DPP6: variants seen among roughly 807,000 people sequenced by gnomAD.
DPP6 encodes the protein A-type potassium channel modulatory protein DPP6.
In DPP6, 69 loss-of-function variants were observed where a neutral mutation model predicts 122.6. The observed-to-expected ratio is 0.56, with a 90% CI of 0.46 to 0.69. The LOEUF (loss-of-function observed/expected upper bound fraction) is 0.69. DPP6 is among the 30% of genes least tolerant of loss of function. The pLI is 0.00. For synonymous variants in DPP6, 418 were observed against 433.1 expected, an observed-to-expected ratio of 0.97 and a Z score of 0.43; for missense variants, 928 against 1,116.9, an observed-to-expected ratio of 0.83 and a Z score of 2.41.
intron 1 of DPP6, among the ~76,000 whole-genome samples, chr7:154,443,765 T>C (rs1006343504): frequency 6.6e-6 from 1 of 152,232 alleles, no homozygotes; most frequent in African/African-American, 2.4e-5. Context: ...AAACTTATTC[T>C]TCTTAGAGCA....
intron 1 of DPP6, among the ~76,000 whole-genome samples, chr7:154,024,388 C>T (rs1287758903): frequency 1.3e-5 from 2 of 152,082 alleles, no homozygotes; most frequent in East Asian, 1.9e-4. Flanking sequence ...GCCATGTGTA[C>T]TTAAAGACTG....
At chr7:154,422,417 A>G (rs1817540859) in intron 1 of DPP6, among the ~76,000 whole-genome samples, 1 of 152,198 alleles carries the variant, frequency 6.6e-6, no homozygotes, top group East Asian at 1.9e-4. Context: ...GGATGCTTTT[A>G]TTACAGGTAA....
At chr7:154,425,630 GTGT>G (rs1563648941) in intron 1 of DPP6, among the ~76,000 whole-genome samples, 202 of 133,394 alleles carry the variant, frequency 1.5e-3, no homozygotes, top group African/African-American at 5.3e-3. Context: ...GGGTGTGTGT[GTGT>G]GTGTGTGTGT....
At chr7:154,632,576 A>C (rs1255507518) in intron 5 of DPP6, among the ~76,000 whole-genome samples, 3 of 152,174 alleles carry the variant, frequency 2.0e-5, no homozygotes, top group Non-Finnish European at 4.4e-5. Flanking sequence ...TTTATTCTGG[A>C]GCAAATTGAG....
intron 16 of DPP6, among the ~76,000 whole-genome samples, chr7:154,829,649 G>A (rs899778668): frequency 4.6e-5 from 7 of 152,106 alleles, no homozygotes; most frequent in African/African-American, 1.7e-4. Flanking sequence ...CAATTAGATG[G>A]TTTTCAGCAG....
intron 8 of DPP6, among the ~76,000 whole-genome samples, chr7:154,754,953 A>G (rs1843587283): frequency 6.6e-6 from 1 of 152,098 alleles, no homozygotes; most frequent in Non-Finnish European, 1.5e-5. Context: ...AGGGAGGGGA[A>G]CATCATACAC....
At chr7:154,591,786 A>G (rs1338622923) in intron 5 of DPP6, among the ~76,000 whole-genome samples, 2 of 152,222 alleles carry the variant, frequency 1.3e-5, no homozygotes, top group East Asian at 3.9e-4. Context: ...CTTTAGGGGA[A>G]AAGGCCATCC....
At chr7:154,086,841 A>C (rs112341213) in intron 1 of DPP6, among the ~76,000 whole-genome samples, 1 of 151,932 alleles carries the variant, frequency 6.6e-6, no homozygotes, top group Non-Finnish European at 1.5e-5. Flanking sequence ...ATGGTCTCGA[A>C]CTCCTGACCT....
At chr7:154,081,847 G>T (rs993914538) in intron 1 of DPP6, among the ~76,000 whole-genome samples, 2 of 152,166 alleles carry the variant, frequency 1.3e-5, no homozygotes, top group African/African-American at 4.8e-5. Flanking sequence ...TAGCAAATAA[G>T]GTTGTATGTT....
chr7:154,325,694 A>G (rs888952027), intron 1 of DPP6, among the ~76,000 whole-genome samples: 1 of 152,182 alleles, frequency 6.6e-6, no homozygotes, highest in Non-Finnish European at 1.5e-5. Flanking sequence ...AAAGATTTGG[A>G]TGGTGTTTTC....
At chr7:153,865,628 T>G in the DPP6 span, among the ~76,000 whole-genome samples, 1 of 152,222 alleles carries the variant, frequency 6.6e-6, no homozygotes, top group African/African-American at 2.4e-5. Flanking sequence ...CAATAAGACT[T>G]CTATTCAAAA....
chr7:154,060,478 C>CG (rs1801624374), intron 1 of DPP6, among the ~76,000 whole-genome samples: 1 of 138,360 alleles, frequency 7.2e-6, no homozygotes. Flanking sequence ...CTTAGGACCT[C>CG]CATCGTTGAT....
In DPP6 at chr7:154,417,213, G is replaced by C. The variant is rs147473650; in HGVS notation, c.244-29001G>C. ...CACCAATTACTTTCAAGACTGACTC[G>C]CTGACATGGAAATTCCTTATCTGGA... On this transcript the variant is annotated intron_variant, in intron 1 of 25. Coordinates refer to ENST00000377770, the MANE Select transcript of DPP6 (RefSeq NM_130797.4). 3.2e-3 allele frequency among the ~76,000 whole-genome samples: 494 copies of C among 152,210 alleles called. 4 individuals are homozygous for C. The highest frequency in any genetic ancestry group is 0.011 in the African/African-American group (472 of 41,528).
intron 6 of DPP6, among the ~76,000 whole-genome samples, chr7:154,645,025 A>C (rs1464899247): frequency 5.5e-5 from 8 of 146,614 alleles, no homozygotes; most frequent in Non-Finnish European, 1.5e-5. Context: ...GGAGAATTCC[A>C]CTGTTACTTG....
intron 1 of DPP6, among the ~76,000 whole-genome samples, chr7:154,203,441 C>T (rs1799274909): frequency 6.6e-6 from 1 of 152,190 alleles, no homozygotes; most frequent in South Asian, 2.1e-4. Flanking sequence ...GCAGGTCATT[C>T]TTCAGCCTCC....
At chr7:153,800,427 T>G in the DPP6 span, among the ~76,000 whole-genome samples, 1 of 152,172 alleles carries the variant, frequency 6.6e-6, no homozygotes, top group Non-Finnish European at 1.5e-5. Flanking sequence ...GGAATGGTGT[T>G]GAGGGGACAT....
intron 1 of DPP6, among the ~76,000 whole-genome samples, chr7:154,160,168 C>A (rs1178624205): frequency 6.6e-6 from 1 of 151,178 alleles, no homozygotes; most frequent in East Asian, 1.9e-4. Flanking sequence ...AATTGGCTAC[C>A]CAATCCAGAA....
intron 3 of DPP6, among the ~76,000 whole-genome samples, chr7:154,523,052 CATTCCCA>C (rs781029514): frequency 2.6e-5 from 4 of 152,332 alleles, no homozygotes; most frequent in Non-Finnish European, 5.9e-5. Flanking sequence ...CTGACCGAGT[CATTCCCA>C]AGTGGTGCCT....
intron 1 of DPP6, among the ~76,000 whole-genome samples, chr7:154,031,136 C>G (rs1217487644): frequency 1.3e-5 from 2 of 152,232 alleles, no homozygotes; most frequent in East Asian, 3.9e-4. Flanking sequence ...ATCCCTTCTT[C>G]TTCACACTGA....
Sources: gnomAD v4.1 joint callset for allele counts (sites outside exome capture counted in the v4.1 genomes callset) on GRCh38, gnomAD v4.1.1 for gene constraint, MANE v1.5 for transcripts, NCBI Gene and HGNC (gene_info 2026-07-23, HGNC 2026-07-21) for gene names.